ZNF41: variants seen among roughly 807,000 people sequenced by gnomAD.
The protein encoded by ZNF41 is zinc finger protein 41.
Under a neutral mutation model 9.3 loss-of-function variants are expected in ZNF41, and 6 were observed. The observed-to-expected ratio is 0.65, with a 90% CI of 0.35 to 1.28. The LOEUF is 1.28. Among genes scored for constraint, ZNF41 ranks in the 50% most tolerant of loss-of-function variants. The pLI is 0.03. For missense variants in ZNF41, 523 were observed against 585.8 expected (o/e 0.89, Z 1.11); for synonymous variants, 192 against 207.1 (o/e 0.93, Z 0.63).
At chrX:47,451,964 T>C (rs1443640680) in intron 4 of ZNF41, among the ~76,000 whole-genome samples, 1 of 112,357 alleles carries the variant, frequency 8.9e-6, no homozygotes, top group African/African-American at 3.2e-5. Flanking sequence ...CTTTAAAAAG[T>C]GGATCTCGAT....
At chrX:47,478,150 G>A (rs775683859) in intron 1 of ZNF41, among the ~76,000 whole-genome samples, 1 of 111,967 alleles carries the variant, frequency 8.9e-6, no homozygotes, top group South Asian at 3.7e-4. Flanking sequence ...CAAGAGGGAA[G>A]TTCTAGAGAT....
intron 2 of ZNF41, among the ~76,000 whole-genome samples, chrX:47,458,050 G>A (rs1384172182): frequency 9.0e-6 from 1 of 111,351 alleles, no homozygotes; most frequent in Non-Finnish European, 1.9e-5. Flanking sequence ...TGTCCATGTT[G>A]AAATAAAGGT....
rs942419744 is a variant in ZNF41, at chrX:47,447,560, T to C, written c.2210A>G (p.His737Arg). 2.5e-6 allele frequency: 3 copies of C among 1,210,622 alleles called. No homozygotes were observed. Among genetic ancestry groups the C allele is most frequent in the Admixed American group, 2.2e-5 (1 of 45,713 alleles). ...TTTCTTTCCTGTATGAATTATCTGA[T>C]GCATACTTAGTGTGGCTTTCTGGAT... is the stretch of plus-strand genomic sequence containing the variant. ...AFIQKATLSM[H>R]QIIHTGKKPY... is the part of the protein sequence containing the mutation. The change falls in exon 5 of 5, where the codon CAT becomes CGT. Residue 737 changes from histidine to arginine, a missense_variant. Physicochemically the swap from His to Arg is conservative, Grantham distance 29. Coordinates refer to ENST00000684689, the MANE Select transcript of ZNF41 (RefSeq NM_001324144.2).
In ZNF41 at chrX:47,447,992, G is replaced by T; in HGVS notation, c.1778C>A (p.Thr593Lys). Residue 593 changes from threonine (T) to lysine (K), a missense_variant, in exon 5 of 5, where the codon ACA becomes AAA. Transcript: ENST00000684689. ...DCGKAFIQKS[T>K]LSVHQRIHTG... Reference sequence around the variant, plus strand: ...ATGGATTCTCTGATGCACGCTTAGTGTTGATTTCTGGATGAAGGCTTTCCC... The same window carrying T: ...ATGGATTCTCTGATGCACGCTTAGTTTTGATTTCTGGATGAAGGCTTTCCC... 1 of 1,211,347 alleles carries T rather than the reference G, an allele frequency of 8.3e-7. No homozygotes were observed.
chrX:47,459,690 A>G (rs11798438), intron 2 of ZNF41, among the ~76,000 whole-genome samples: 3,793 of 100,484 alleles, frequency 0.038, 73 homozygotes, highest in African/African-American at 0.07. Context: ...GCTGCAGTGA[A>G]CCATGACTGT....
chrX:47,457,271 G>T (rs768062147), intron 2 of ZNF41, among the ~76,000 whole-genome samples: 1 of 110,607 alleles, frequency 9.0e-6, no homozygotes, highest in African/African-American at 3.3e-5. Flanking sequence ...TTAGCTGGGC[G>T]TGGTGGCGCA....
intron 1 of ZNF41, among the ~76,000 whole-genome samples, chrX:47,478,247 A>G (rs957773761): frequency 1.8e-5 from 2 of 112,297 alleles, no homozygotes; most frequent in African/African-American, 3.2e-5. Context: ...GGCTCACACC[A>G]GTAATCCCAG....
At chrX:47,481,338 G>A (rs2057467377) in intron 1 of ZNF41, among the ~76,000 whole-genome samples, 1 of 111,764 alleles carries the variant, frequency 8.9e-6, no homozygotes, top group African/African-American at 3.2e-5. Context: ...TTGGGAGGCT[G>A]AGGTGGGAGG....
chrX:47,458,668 A>G (rs1416938297), intron 2 of ZNF41, among the ~76,000 whole-genome samples: 3 of 111,739 alleles, frequency 2.7e-5, no homozygotes, highest in Non-Finnish European at 5.6e-5. Flanking sequence ...TTGTTTTCAG[A>G]GACATGGTCT....
chrX:47,448,476 T>C lies in ZNF41; in HGVS notation c.1294A>G (p.Ile432Val), dbSNP rs1050476033. The change falls in exon 5 of 5, where the codon ATC (isoleucine) becomes GTC (valine). Residue 432 changes from isoleucine (I) to valine (V), a missense_variant. By Grantham distance (29) the Ile-to-Val change is conservative. Coordinates refer to ENST00000684689, the MANE Select transcript of ZNF41 (RefSeq NM_001324144.2). ...RKSALRMHQR[I>V]HTGEKPYVCA... Reference sequence around the variant, plus strand: ...ACATAAGGTTTCTCTCCCGTGTGGATTCTCTGATGCATCCTGAGTGCTGAT... The same window carrying C: ...ACATAAGGTTTCTCTCCCGTGTGGACTCTCTGATGCATCCTGAGTGCTGAT... 1.7e-6 allele frequency: 2 copies of C among 1,211,899 alleles called. No homozygotes were observed. Among genetic ancestry groups the C allele is most frequent in the Non-Finnish European group, 2.2e-6 (2 of 895,573 alleles).
chrX:47,451,242 A>C (rs758515995), intron 4 of ZNF41, among the ~76,000 whole-genome samples: 40 of 112,316 alleles, frequency 3.6e-4, no homozygotes, highest in African/African-American at 1.0e-3. Flanking sequence ...CATCTGAAAG[A>C]GGAAAAATCT....
intron 2 of ZNF41, among the ~76,000 whole-genome samples, chrX:47,463,665 C>A (rs1465455591): frequency 9.0e-6 from 1 of 111,496 alleles, no homozygotes; most frequent in Non-Finnish European, 1.9e-5. Context: ...CTCTGGTGGA[C>A]CCTCAGCCCC....
chrX:47,452,778 G>A (rs1214651604), intron 4 of ZNF41, among the ~76,000 whole-genome samples: 1 of 111,732 alleles, frequency 8.9e-6, no homozygotes, highest in Non-Finnish European at 1.9e-5. Flanking sequence ...TTTTAGTAGA[G>A]ACGGGGTTTC....
At chrX:47,452,404 T>C (rs1055668727) in intron 4 of ZNF41, among the ~76,000 whole-genome samples, 10 of 109,330 alleles carry the variant, frequency 9.1e-5, no homozygotes, top group African/African-American at 2.7e-4. Context: ...TCCGCATCAA[T>C]AGCTTTCCCT....
At chrX:47,460,068 G>A (rs2056732100) in intron 2 of ZNF41, among the ~76,000 whole-genome samples, 1 of 111,342 alleles carries the variant, frequency 9.0e-6, no homozygotes, top group South Asian at 3.7e-4. Context: ...GCAATATGGC[G>A]AGACTCGGTC....
chrX:47,479,804 TG>T (rs2057424961), intron 1 of ZNF41, among the ~76,000 whole-genome samples: 1 of 111,259 alleles, frequency 9.0e-6, no homozygotes, highest in Non-Finnish European at 1.9e-5. Flanking sequence ...AACATTTACA[TG>T]GAAGAATAAG....
intron 1 of ZNF41, among the ~76,000 whole-genome samples, chrX:47,469,294 G>C (rs1160032600): frequency 5.6e-5 from 4 of 71,641 alleles, no homozygotes; most frequent in Non-Finnish European, 7.2e-5. Context: ...CTGGGCGACA[G>C]AGCGAGACTC....
intron 4 of ZNF41, among the ~76,000 whole-genome samples, chrX:47,454,518 T>C (rs1263687537): frequency 2.7e-5 from 3 of 111,826 alleles, no homozygotes; most frequent in Non-Finnish European, 5.6e-5. Flanking sequence ...AGGTACTCCA[T>C]GATTAGGTGC....
At chrX:47,458,381 C>A (rs2056651399) in intron 2 of ZNF41, among the ~76,000 whole-genome samples, 1 of 111,717 alleles carries the variant, frequency 9.0e-6, no homozygotes, top group Admixed American at 9.6e-5. Flanking sequence ...GAAATGGTAA[C>A]TAAAGTGGAA....
Sources: gnomAD v4.1 joint callset for allele counts (sites outside exome capture counted in the v4.1 genomes callset) on GRCh38, gnomAD v4.1.1 for gene constraint, MANE v1.5 for transcripts, NCBI Gene and HGNC (gene_info 2026-07-23, HGNC 2026-07-21) for gene names.